SMYD3: variants seen among roughly 807,000 people sequenced by gnomAD.
SMYD3 encodes the protein SET and MYND domain containing 3, also known as histone-lysine N-methyltransferase SMYD3.
A neutral mutation model predicts 57.7 loss-of-function variants in SMYD3; 36 were observed. The ratio of observed to expected loss-of-function variants is 0.62; its 90% CI spans 0.48 to 0.82. The LOEUF is 0.82. Among genes scored for constraint, SMYD3 ranks in the 40% least tolerant of loss-of-function variants. The probability of loss-of-function intolerance (pLI) is 0.00; values close to 1 mark genes in which losing one functional copy is unlikely to be tolerated. For missense variants in SMYD3, 515 were observed against 538.8 expected, an observed-to-expected ratio of 0.96 and a Z score of 0.44; for synonymous variants, 211 against 195.0, an observed-to-expected ratio of 1.08 and a Z score of -0.68.
chr1:246,061,607 G>A (rs2060253437), intron 5 of SMYD3, among the ~76,000 whole-genome samples: 1 of 151,990 alleles, frequency 6.6e-6, no homozygotes, highest in South Asian at 2.1e-4. Context: ...GTGCATGCCT[G>A]TAGTTCCAGC....
intron 5 of SMYD3, among the ~76,000 whole-genome samples, chr1:246,301,730 C>A (rs1314330694): frequency 6.6e-6 from 1 of 152,116 alleles, no homozygotes; most frequent in Admixed American, 6.6e-5. Flanking sequence ...ACTGATGTGT[C>A]TTTTTTATCT....
intron 5 of SMYD3, among the ~76,000 whole-genome samples, chr1:246,216,905 G>A (rs1038143549): frequency 2.0e-5 from 3 of 152,054 alleles, no homozygotes; most frequent in African/African-American, 7.3e-5. Flanking sequence ...GGCTGTGTGT[G>A]GGCCTCATCC....
intron 8 of SMYD3, among the ~76,000 whole-genome samples, chr1:245,870,036 G>A (rs563567812): frequency 8.5e-5 from 13 of 152,160 alleles, no homozygotes; most frequent in Admixed American, 4.6e-4. Context: ...CTGAGGGACC[G>A]TGACCTCATC....
chr1:245,825,305 G>T (rs1450366755), intron 10 of SMYD3, among the ~76,000 whole-genome samples: 1 of 152,190 alleles, frequency 6.6e-6, no homozygotes, highest in Non-Finnish European at 1.5e-5. Context: ...AGCTCCTCTA[G>T]ATGGCTCCAC....
intron 5 of SMYD3, among the ~76,000 whole-genome samples, chr1:246,170,654 G>T (rs77305795): frequency 6.6e-6 from 1 of 151,894 alleles, no homozygotes; most frequent in Admixed American, 6.6e-5. Context: ...CTAAGATTTG[G>T]GCATTAACAT....
intron 1 of SMYD3, among the ~76,000 whole-genome samples, chr1:246,475,691 T>C (rs1002871759): frequency 2.2e-4 from 34 of 152,032 alleles, no homozygotes; most frequent in Non-Finnish European, 3.7e-4. Context: ...CTCGGCTCAC[T>C]GCAACCTCCA....
chr1:246,453,605 C>T (rs1205193137), intron 1 of SMYD3, among the ~76,000 whole-genome samples: 3 of 152,098 alleles, frequency 2.0e-5, no homozygotes, highest in Admixed American at 6.6e-5. Flanking sequence ...TTACCAAAAG[C>T]GAGGTATTCA....
intron 1 of SMYD3, among the ~76,000 whole-genome samples, chr1:246,359,635 C>G (rs1022982635): frequency 6.6e-6 from 1 of 152,156 alleles, no homozygotes; most frequent in African/African-American, 2.4e-5. Context: ...GGGTTTCATA[C>G]CAGGGATGCA....
rs534084632 is a variant in SMYD3, at chr1:246,136,631, A to G, written c.531+190570T>C. ...CAGACTGGGCAGGGAGAACATAACA[A>G]CCAGTAGGCAAGATAAGGAATACAG... On this transcript the variant is annotated intron_variant, in intron 5 of 11. Coordinates refer to ENST00000490107, the MANE Select transcript of SMYD3 (RefSeq NM_001167740.2). Among the ~76,000 whole-genome samples, 4 of 152,332 alleles carry G rather than the reference A, an allele frequency of 2.6e-5. No homozygotes were observed. The South Asian group carries it at 6.2e-4, about 24-fold the overall frequency.
intron 2 of SMYD3, among the ~76,000 whole-genome samples, chr1:246,346,181 G>C (rs571464696): frequency 6.6e-6 from 1 of 152,278 alleles, no homozygotes; most frequent in South Asian, 2.1e-4. Flanking sequence ...CTCCTCGGGA[G>C]GCTGAGGCAG....
intron 1 of SMYD3, among the ~76,000 whole-genome samples, chr1:246,414,717 G>GGTT (rs1553344249): frequency 2.4e-5 from 3 of 123,376 alleles, no homozygotes; most frequent in African/African-American, 9.2e-5. Flanking sequence ...TTTTTTGCTG[G>GGTT]TTTTTTTTTT....
At chr1:246,484,131 A>G (rs529254624) in intron 1 of SMYD3, among the ~76,000 whole-genome samples, 2 of 57,508 alleles carry the variant, frequency 3.5e-5, no homozygotes, top group African/African-American at 1.4e-4. Context: ...AAACCATTGC[A>G]CTAGTTACAC....
intron 5 of SMYD3, among the ~76,000 whole-genome samples, chr1:246,026,276 A>C (rs2059573170): frequency 2.0e-5 from 3 of 152,234 alleles, no homozygotes; most frequent in African/African-American, 7.2e-5. Context: ...TCTTAGATCA[A>C]ATACTCATTT....
rs574064698 is a variant in SMYD3, at chr1:245,847,614, G to A, written c.1076+10882C>T. ...TTTCCTACTTTCTCTTCCACGAGGT[G>A]AGAAAAAGAAAAGAGAGCAGCTTGG... On this transcript the variant is annotated intron_variant, in intron 10 of 11. Transcript: ENST00000490107. Among the ~76,000 whole-genome samples, 17 of 152,280 alleles carry A rather than the reference G, an allele frequency of 1.1e-4. 1 individual carries two copies. Among genetic ancestry groups the A allele is most frequent in the Middle Eastern group, 3.4e-3 (1 of 292 alleles).
At chr1:245,997,423 A>G (rs1273856535) in intron 5 of SMYD3, among the ~76,000 whole-genome samples, 1 of 152,246 alleles carries the variant, frequency 6.6e-6, no homozygotes, top group Non-Finnish European at 1.5e-5. Flanking sequence ...CACAGAAGAC[A>G]TCCTTCCTCC....
At chr1:246,133,852 A>G (rs2061625643) in intron 5 of SMYD3, among the ~76,000 whole-genome samples, 1 of 152,162 alleles carries the variant, frequency 6.6e-6, no homozygotes, top group Admixed American at 6.5e-5. Context: ...AGCAAATGAC[A>G]CTGTTGTAGC....
chr1:246,481,597 TATATATATATACACATAC>T lies in SMYD3; in HGVS notation c.164+25439_164+25456del, dbSNP rs1252080804. ...ATCATGGGACTTCTCAGGCTCCATA[TATATATATATACACATAC>T]ATATATACATACATACATACACATA... is the stretch of plus-strand genomic sequence containing the variant. On this transcript the variant is annotated intron_variant, in intron 1 of 11. Coordinates refer to ENST00000490107, the MANE Select transcript of SMYD3 (RefSeq NM_001167740.2). Among the ~76,000 whole-genome samples the T allele has an allele frequency of 6.6e-5, 5 of 75,464 alleles. 1 individual carries two copies. In the Admixed American group the frequency reaches 7.4e-4, roughly 11 times the overall value. 49.5% of individuals were successfully genotyped at this position (75,464 alleles called of 152,430 possible). A position where few individuals can be genotyped will look rare whatever the true frequency, so the allele number is the denominator to read the frequency against.
intron 5 of SMYD3, among the ~76,000 whole-genome samples, chr1:246,227,847 G>A (rs1181827077): frequency 6.6e-6 from 1 of 151,560 alleles, no homozygotes; most frequent in Non-Finnish European, 1.5e-5. Flanking sequence ...ATTTCCTAAG[G>A]TCTCACCGAT....
chr1:246,095,884 C>A (rs2060904676), intron 5 of SMYD3, among the ~76,000 whole-genome samples: 1 of 152,102 alleles, frequency 6.6e-6, no homozygotes, highest in Non-Finnish European at 1.5e-5. Context: ...CAAAAAAATA[C>A]AAGAACAGTA....
Sources: allele counts gnomAD v4.1 joint callset (sites outside exome capture counted in the v4.1 genomes callset), GRCh38; gene constraint gnomAD v4.1.1; transcripts MANE v1.5; gene names NCBI Gene and HGNC (gene_info 2026-07-23, HGNC 2026-07-21).